PCDH11X: variants seen among roughly 807,000 people sequenced by gnomAD.
The protein encoded by PCDH11X is protocadherin 11 X-linked.
In PCDH11X, 18 loss-of-function variants were observed where a neutral mutation model predicts 53.3. That is an observed-to-expected ratio of 0.34 (90% CI 0.23 to 0.50). The LOEUF (loss-of-function observed/expected upper bound fraction) is 0.50, where lower values mean the gene tolerates loss of function less well. Among genes scored for constraint, PCDH11X ranks in the 20% least tolerant of loss-of-function variants. The pLI is 0.98. For synonymous variants in PCDH11X, 279 were observed against 393.3 expected, an observed-to-expected ratio of 0.71 and a Z score of 3.44; for missense variants, 570 against 1,032.4, an observed-to-expected ratio of 0.55 and a Z score of 6.14.
At chrX:91,872,757 G>A (rs1312573724) in intron 5 of PCDH11X, among the ~76,000 whole-genome samples, 3 of 108,851 alleles carry the variant, frequency 2.8e-5, no homozygotes, top group African/African-American at 1.0e-4. Context: ...GGAGCCATAC[G>A]TTTTATCTTC....
intron 10 of PCDH11X, among the ~76,000 whole-genome samples, chrX:92,471,319 T>A (rs2073258440): frequency 9.3e-6 from 1 of 108,006 alleles, no homozygotes; most frequent in South Asian, 4.1e-4. Flanking sequence ...TGCCCATGTG[T>A]TCTCATAATT....
At chrX:91,826,099 T>C (rs767465882) in intron 4 of PCDH11X, among the ~76,000 whole-genome samples, 1 of 111,646 alleles carries the variant, frequency 9.0e-6, no homozygotes, top group South Asian at 3.7e-4. Context: ...AATTGAAGTT[T>C]AAATGGTTAA....
chrX:92,363,561 C>G (rs1360887411), intron 8 of PCDH11X, among the ~76,000 whole-genome samples: 2 of 106,673 alleles, frequency 1.9e-5, no homozygotes, highest in Non-Finnish European at 3.9e-5. Flanking sequence ...TTTGAATAAT[C>G]TTTAGGATTT....
Position 92,461,548 on chromosome X carries a change from A to G in PCDH11X, c.3344-6751A>G, listed in dbSNP as rs1227860014. 1.3e-4 allele frequency among the ~76,000 whole-genome samples: 15 copies of G among 112,266 alleles called. No individual in the cohort carries two copies. In the Admixed American group the frequency reaches 1.4e-3, roughly 11 times the overall value. On this transcript the variant is annotated intron_variant, in intron 9 of 10. Transcript: ENST00000682573. ...TGACCCGTATCTCTTGCTATATACAAAAATCAAATCCAAGTGGATTAAACA... is the reference window on the plus strand; with the variant it reads ...TGACCCGTATCTCTTGCTATATACAGAAATCAAATCCAAGTGGATTAAACA...
chrX:92,606,260 C>T (rs986899362), intron 10 of PCDH11X, among the ~76,000 whole-genome samples: 1 of 69,070 alleles, frequency 1.4e-5, no homozygotes, highest in Non-Finnish European at 2.6e-5. Flanking sequence ...AAAAAAAAGA[C>T]GCTAATGCTA....
intron 8 of PCDH11X, among the ~76,000 whole-genome samples, chrX:92,293,840 C>G (rs1218543356): frequency 9.3e-6 from 1 of 107,470 alleles, no homozygotes; most frequent in Non-Finnish European, 1.9e-5. Context: ...CTGTCATAGT[C>G]AAGATGCGCT....
At chrX:92,601,861 G>GT (rs1926267874) in intron 10 of PCDH11X, among the ~76,000 whole-genome samples, 1 of 110,971 alleles carries the variant, frequency 9.0e-6, no homozygotes, top group Non-Finnish European at 1.9e-5. Context: ...CAAGTCTAGG[G>GT]TTAAGGTATC....
intron 8 of PCDH11X, among the ~76,000 whole-genome samples, chrX:92,279,532 G>A (rs1376940142): frequency 8.9e-6 from 1 of 112,338 alleles, no homozygotes. Flanking sequence ...TCTGGGAATT[G>A]TTTGCTGCAT....
intron 7 of PCDH11X, among the ~76,000 whole-genome samples, chrX:92,247,282 T>C (rs939001717): frequency 1.8e-5 from 2 of 111,814 alleles, no homozygotes; most frequent in African/African-American, 6.5e-5. Context: ...CTTCCATGTG[T>C]CATGCTTACT....
At chrX:92,618,179 T>A in intron 10 of PCDH11X, 85 bp from the exon 11 acceptor site, 1 of 1,126,150 alleles carries the variant, frequency 8.9e-7, no homozygotes. Flanking sequence ...GGTTGTTACC[T>A]TTTTTGTCAC....
chrX:92,159,780 CAG>C (rs1266046100), intron 6 of PCDH11X, among the ~76,000 whole-genome samples: 9 of 90,977 alleles, frequency 9.9e-5, no homozygotes, highest in East Asian at 3.9e-4. Context: ...AACAAGGAAA[CAG>C]ATTAAAATGT....
chrX:92,004,461 G>A (rs1031438682), intron 6 of PCDH11X, among the ~76,000 whole-genome samples: 16 of 111,064 alleles, frequency 1.4e-4, no homozygotes, highest in African/African-American at 5.2e-4. Flanking sequence ...TGGAAGATCT[G>A]TCCAATGCTG....
chrX:92,030,846 C>A (rs1483549731), intron 6 of PCDH11X, among the ~76,000 whole-genome samples: 1 of 103,897 alleles, frequency 9.6e-6, no homozygotes, highest in Non-Finnish European at 1.9e-5. Context: ...GATTGAAAAT[C>A]ATTGTGTATA....
intron 6 of PCDH11X, among the ~76,000 whole-genome samples, chrX:92,064,386 T>G (rs1441067884): frequency 9.1e-6 from 1 of 110,229 alleles, no homozygotes. Context: ...AATGCACCAA[T>G]TTTGATTGTA....
Position 92,235,320 on chromosome X carries a change from G to T in PCDH11X, c.3115-27794G>T, listed in dbSNP as rs78597617. Among the ~76,000 whole-genome samples the T allele has an allele frequency of 2.6e-4, 29 of 111,095 alleles. No homozygotes were observed. The East Asian group carries it at 6.2e-3, about 24-fold the overall frequency. ...ACTGAATTATAGCTGTCAGGTCTGG[G>T]TTATGATTTCATAGGCAATGTTAAT... On this transcript the variant is annotated intron_variant, in intron 7 of 10. Coordinates refer to ENST00000682573, the MANE Select transcript of PCDH11X (RefSeq NM_032968.5).
intron 6 of PCDH11X, among the ~76,000 whole-genome samples, chrX:92,033,741 A>G (rs1255779510): frequency 1.8e-5 from 2 of 109,981 alleles, no homozygotes; most frequent in Non-Finnish European, 3.8e-5. Context: ...TTTCAATTTC[A>G]TCTATTTCTC....
intron 6 of PCDH11X, among the ~76,000 whole-genome samples, chrX:91,967,239 T>C (rs1420321941): frequency 9.1e-6 from 1 of 110,210 alleles, no homozygotes; most frequent in Non-Finnish European, 1.9e-5. Flanking sequence ...ACAGGCTGTA[T>C]GACTGAGAAT....
In PCDH11X at chrX:91,929,589, C is replaced by A. The variant is rs1324105821; in HGVS notation, c.3033+50316C>A. ...TGATTATCATGGCCACGTTGATTAG[C>A]AAAGCAGTAGCATTCTTACCAATAC... On this transcript the variant is annotated intron_variant, in intron 6 of 10. Transcript: ENST00000682573. Among the ~76,000 whole-genome samples, 10 of 110,620 alleles carry A rather than the reference C, an allele frequency of 9.0e-5. No homozygotes were observed. In the Admixed American group the frequency reaches 9.7e-4, roughly 11 times the overall value.
At chrX:92,406,471 C>T (rs1178587579) in intron 9 of PCDH11X, among the ~76,000 whole-genome samples, 1 of 102,505 alleles carries the variant, frequency 9.8e-6, no homozygotes, top group Non-Finnish European at 1.9e-5. Context: ...GTCATGGAAA[C>T]AATGGAATTG....
Sources: allele counts gnomAD v4.1 joint callset (sites outside exome capture counted in the v4.1 genomes callset), GRCh38; gene constraint gnomAD v4.1.1; transcripts MANE v1.5; gene names NCBI Gene and HGNC (gene_info 2026-07-23, HGNC 2026-07-21).